Variants in CORO2A observed in about 807,000 individuals in gnomAD.
CORO2A encodes coronin 2A.
A neutral mutation model predicts 62.4 loss-of-function variants in CORO2A; 47 were observed. That is an observed-to-expected ratio of 0.75 (90% CI 0.60 to 0.96). The LOEUF (loss-of-function observed/expected upper bound fraction) is 0.96. Among genes scored for constraint, CORO2A ranks in the 40% least tolerant of loss-of-function variants. CORO2A has a pLI of 0.00. For synonymous variants in CORO2A, 273 were observed against 268.9 expected (o/e 1.02, Z -0.15); for missense variants, 610 against 684.1 (o/e 0.89, Z 1.21).
At chr9:98,178,992 T>C (rs1463146572) in intron 1 of CORO2A, among the ~76,000 whole-genome samples, 1 of 152,216 alleles carries the variant, frequency 6.6e-6, no homozygotes, top group Non-Finnish European at 1.5e-5. Context: ...GCCTTGATGC[T>C]ACAAATGGCT....
intron 1 of CORO2A, among the ~76,000 whole-genome samples, chr9:98,189,477 G>A (rs1026784188): frequency 6.6e-6 from 1 of 152,168 alleles, no homozygotes; most frequent in Non-Finnish European, 1.5e-5. Flanking sequence ...GAAACCCCTC[G>A]GTGGGGAGCT....
intron 1 of CORO2A, among the ~76,000 whole-genome samples, chr9:98,178,409 T>A (rs190544988): frequency 7.5e-4 from 115 of 152,352 alleles, no homozygotes; most frequent in Non-Finnish European, 1.8e-4. Context: ...CAAGTCACAA[T>A]TTTTCAGTAC....
intron 1 of CORO2A, among the ~76,000 whole-genome samples, chr9:98,191,778 G>C (rs1478859032): frequency 1.3e-5 from 2 of 152,218 alleles, no homozygotes; most frequent in Non-Finnish European, 2.9e-5. Context: ...CTGAGGTCCA[G>C]GCGTGGCCGC....
intron 1 of CORO2A, among the ~76,000 whole-genome samples, chr9:98,177,457 G>GT (rs1174402008): frequency 0.12 from 11,699 of 98,096 alleles, 1,247 homozygotes; most frequent in Middle Eastern, 0.23. Flanking sequence ...TCCAAACTTT[G>GT]TTTTTTTTTT....
chr9:98,155,342 A>ATTTTTTTTTTTTTTTTTTT (rs11379239), intron 2 of CORO2A, among the ~76,000 whole-genome samples: 1 of 101,862 alleles, frequency 9.8e-6, no homozygotes, highest in African/African-American at 3.9e-5. Context: ...TTATTGCTCA[A>ATTTTTTTTTTTTTTTTTTT]TTTTTTTTTT....
chr9:98,169,702 G>A (rs374600440), intron 1 of CORO2A, among the ~76,000 whole-genome samples: 3 of 152,220 alleles, frequency 2.0e-5, no homozygotes, highest in Non-Finnish European at 4.4e-5. Context: ...TCAAAGCATC[G>A]TGCTTTTCAA....
intron 2 of CORO2A, among the ~76,000 whole-genome samples, chr9:98,140,758 A>G (rs1827554193): frequency 6.6e-6 from 1 of 152,108 alleles, no homozygotes; most frequent in South Asian, 2.1e-4. Context: ...CATGCATTTT[A>G]GTAGCTCTGC....
chr9:98,158,558 C>T (rs1827837948), intron 1 of CORO2A, among the ~76,000 whole-genome samples: 1 of 152,126 alleles, frequency 6.6e-6, no homozygotes, highest in Admixed American at 6.6e-5. Context: ...TGAGCCCAGC[C>T]TTTACAGGAG....
Position 98,125,008 on chromosome 9 carries a change from A to G in CORO2A, c.1447-103T>C, listed in dbSNP as rs552490419. On this transcript the variant is annotated intron_variant, in intron 11 of 11. Coordinates refer to ENST00000375077, the MANE Select transcript of CORO2A (RefSeq NM_052820.4). ...GACTCAGAAAGGTGGAGGCGGTCAC[A>G]TTAACATGGCTGAGGCCTGATGGGG... 6 of 1,380,238 alleles carry G rather than the reference A, an allele frequency of 4.3e-6. No individual in the cohort carries two copies. The Admixed American group carries it at 8.9e-5, about 21-fold the overall frequency. The allele number at this position is 1,380,238 out of a possible 1,614,324, so 85.5% of individuals were successfully genotyped here.
Position 98,121,839 on chromosome 9 carries a change from G to C in CORO2A, c.*2935C>G, listed in dbSNP as rs1466501974. The C allele has an allele frequency of 6.6e-6, 1 of 152,286 alleles. No homozygotes were observed. Among genetic ancestry groups the C allele is most frequent in the East Asian group, 1.9e-4 (1 of 5,200 alleles). The allele number at this position is 152,286 out of a possible 1,614,324, so 9.4% of individuals were successfully genotyped here. A position where few individuals can be genotyped will look rare whatever the true frequency, so the allele number is the denominator to read the frequency against. ...TGTGAAGTGCTAGCCACACAGGTGG[G>C]AAAGGTAAGCCTATCCTGTAGAGCT... On this transcript the variant is annotated 3_prime_UTR_variant, in exon 12 of 12. Coordinates refer to ENST00000375077, the MANE Select transcript of CORO2A (RefSeq NM_052820.4).
chr9:98,141,543 G>A (rs1827567947), intron 2 of CORO2A, among the ~76,000 whole-genome samples: 2 of 152,012 alleles, frequency 1.3e-5, no homozygotes, highest in Middle Eastern at 3.2e-3. Context: ...TAGTAGGGAC[G>A]GGGTTTTGCC....
At chr9:98,132,400 T>A in intron 5 of CORO2A, 99 bp from the exon 6 acceptor site, 2 of 917,270 alleles carry the variant, frequency 2.2e-6, no homozygotes, top group Non-Finnish European at 3.5e-6. Flanking sequence ...CCGCTCCACC[T>A]GGGAGGCCTC....
intron 2 of CORO2A, 124 bp from the exon 3 acceptor site, chr9:98,137,812 T>C: frequency 1.3e-6 from 1 of 741,782 alleles, no homozygotes; most frequent in Non-Finnish European, 2.4e-6. Context: ...GGTGTGAATC[T>C]AGGCCTTACT....
chr9:98,189,565 A>C (rs777126655), intron 1 of CORO2A, among the ~76,000 whole-genome samples: 6 of 152,252 alleles, frequency 3.9e-5, no homozygotes, highest in Non-Finnish European at 7.4e-5. Context: ...TGTTCACTCT[A>C]AGAGGTTGGC....
chr9:98,189,943 G>A (rs1216198898), intron 1 of CORO2A, among the ~76,000 whole-genome samples: 2 of 151,660 alleles, frequency 1.3e-5, no homozygotes, highest in African/African-American at 4.9e-5. Flanking sequence ...GGAGTGCAGT[G>A]GCACAATCTC....
chr9:98,155,494 C>T (rs1827790853), intron 2 of CORO2A, among the ~76,000 whole-genome samples: 1 of 151,670 alleles, frequency 6.6e-6, no homozygotes, highest in Non-Finnish European at 1.5e-5. Context: ...TTACAGGTGC[C>T]CGCCACTGTG....
At chr9:98,162,449 C>CG (rs1827899039) in intron 1 of CORO2A, among the ~76,000 whole-genome samples, 1 of 152,126 alleles carries the variant, frequency 6.6e-6, no homozygotes, top group East Asian at 1.9e-4. Flanking sequence ...CCCTTCTGTC[C>CG]GTCCCCCAAT....
chr9:98,171,092 A>G (rs73657110), intron 1 of CORO2A, among the ~76,000 whole-genome samples: 10,765 of 152,172 alleles, frequency 0.071, 1,083 homozygotes, highest in African/African-American at 0.23. Flanking sequence ...AGCGACAAGG[A>G]TCACTGGGGA....
At chr9:98,140,479 T>C (rs1259855710) in intron 2 of CORO2A, among the ~76,000 whole-genome samples, 2 of 151,990 alleles carry the variant, frequency 1.3e-5, no homozygotes, top group Non-Finnish European at 2.9e-5. Flanking sequence ...CTCACTCTGT[T>C]GTCCAGGCTG....
Sources: allele counts gnomAD v4.1 joint callset (sites outside exome capture counted in the v4.1 genomes callset), GRCh38; gene constraint gnomAD v4.1.1; transcripts MANE v1.5; gene names NCBI Gene and HGNC (gene_info 2026-07-23, HGNC 2026-07-21).